TET2: variants seen among roughly 807,000 people sequenced by gnomAD.
TET2 encodes the protein methylcytosine dioxygenase TET2.
A neutral mutation model predicts 142.9 loss-of-function variants in TET2; 299 were observed. The ratio of observed to expected loss-of-function variants is 2.09; its 90% confidence interval spans 1.90 to 2.30. The LOEUF is 2.30. TET2 is among the 30% of genes most tolerant of loss of function. The probability of loss-of-function intolerance (pLI) is 0.00; values close to 1 mark genes in which losing one functional copy is unlikely to be tolerated. For missense variants in TET2, 2,418 were observed against 2,378.0 expected (o/e 1.02, Z -0.35); for synonymous variants, 819 against 849.0 (o/e 0.96, Z 0.61).
At chr4:105,268,342 A>ATGTC (rs1730791686) in intron 8 of TET2, among the ~76,000 whole-genome samples, 1 of 152,228 alleles carries the variant, frequency 6.6e-6, no homozygotes, top group South Asian at 2.1e-4. Flanking sequence ...ACAAAAATGT[A>ATGTC]TAAGATTATA....
Position 105,275,327 on chromosome 4 carries a change from G to T in TET2, c.4817G>T (p.Gly1606Val). Residue 1606 changes from glycine to valine, a missense_variant, in exon 11 of 11, where the codon GGT (glycine) becomes GTT (valine). By Grantham distance (109) the Gly-to-Val change is moderately radical. Coordinates refer to ENST00000380013, the MANE Select transcript of TET2 (RefSeq NM_001127208.3). The stretch of plus-strand genomic sequence containing the variant: ...TATTCCACCTCATCTCAAGCTGCAG[G>T]TTCATATTTGAATTCTTCTAATCCC... ...NFYSTSSQAA[G>V]SYLNSSNPMN... 6.4e-7 allele frequency: 1 copy of T among 1,551,816 alleles called. No homozygotes were observed. The highest frequency in any genetic ancestry group is 8.7e-7 in the Non-Finnish European group (1 of 1,147,000).
chr4:105,188,012 C>G (rs1725557194), intron 1 of TET2, among the ~76,000 whole-genome samples: 1 of 152,178 alleles, frequency 6.6e-6, no homozygotes, highest in South Asian at 2.1e-4. Context: ...AGGGATTCCA[C>G]TCTCAAGAGA....
Position 105,259,752 on chromosome 4 carries a change from G to C in TET2, c.3937G>C (p.Gly1313Arg), listed in dbSNP as rs1730330591. The change falls in exon 7 of 11, where the codon GGG becomes CGG. Residue 1313 changes from glycine to arginine, a missense_variant. Physicochemically the swap from Gly to Arg is moderately radical, Grantham distance 125. Coordinates refer to ENST00000380013, the MANE Select transcript of TET2 (RefSeq NM_001127208.3). ...SKIPRKFKLL[G>R]DDPKEEEKLE... ...GATCCCAAGGAAGTTTAAGCTGCTT[G>C]GGGATGACCCAAAAGAGGTTTGTTT... 6.4e-7 allele frequency: 1 copy of C among 1,550,642 alleles called. No individual in the cohort carries two copies. Among genetic ancestry groups the C allele is most frequent in the Non-Finnish European group, 8.7e-7 (1 of 1,146,400 alleles).
In TET2 at chr4:105,275,936, C is replaced by T. The variant is rs1731198831; in HGVS notation, c.5426C>T (p.Thr1809Ile). Residue 1809 changes from threonine to isoleucine, a missense_variant, in exon 11 of 11, where the codon ACT becomes ATT. Coordinates refer to ENST00000380013, the MANE Select transcript of TET2 (RefSeq NM_001127208.3). ...CTTCCAGCTCTTAACCATGATAGAACTGCTTGTGTCCAAGGAGGCTTACAC... is the reference window on the plus strand; with the variant it reads ...CTTCCAGCTCTTAACCATGATAGAATTGCTTGTGTCCAAGGAGGCTTACAC... ...KMLPALNHDRTACVQGGLHKL... is the reference protein window; with the variant it reads ...KMLPALNHDRIACVQGGLHKL... The T allele has an allele frequency of 3.2e-6, 5 of 1,551,868 alleles. No homozygotes were observed. Among genetic ancestry groups the T allele is most frequent in the East Asian group, 4.9e-5 (2 of 40,930 alleles).
chr4:105,279,041 CT>C lies in TET2; in HGVS notation c.*2526del, dbSNP rs1303894674. Reference sequence around the variant, plus strand: ...TATTGGTCAAATCTTTGTAAGCTGGCTTTTGTCTTTTTAAAAAATTTCTTGA... The same window carrying C: ...TATTGGTCAAATCTTTGTAAGCTGGCTTTGTCTTTTTAAAAAATTTCTTGA... On this transcript the variant is annotated 3_prime_UTR_variant, in exon 11 of 11. Transcript: ENST00000380013. 1 of 232,636 alleles carries C rather than the reference CT, an allele frequency of 4.3e-6. No homozygotes were observed. The highest frequency in any genetic ancestry group is 8.5e-6 in the Non-Finnish European group (1 of 117,786). 14.4% of individuals were successfully genotyped at this position (232,636 alleles called of 1,614,324 possible).
chr4:105,242,327 A>C (rs1197325081), intron 4 of TET2: 2 of 1,078,068 alleles, frequency 1.9e-6, no homozygotes, highest in Admixed American at 1.1e-4. Context: ...TTTGGTCATA[A>C]GGGAAGATAT....
intron 2 of TET2, among the ~76,000 whole-genome samples, chr4:105,223,427 TA>T (rs1245399983): frequency 6.6e-6 from 1 of 152,064 alleles, no homozygotes; most frequent in Admixed American, 6.6e-5. Flanking sequence ...AAATGCCCTA[TA>T]AAAAACACTT....
intron 1 of TET2, among the ~76,000 whole-genome samples, chr4:105,183,766 G>A (rs970948781): frequency 1.3e-5 from 2 of 152,152 alleles, no homozygotes; most frequent in Non-Finnish European, 2.9e-5. Context: ...GTAGTCAGCC[G>A]CGCAAATACA....
intron 2 of TET2, among the ~76,000 whole-genome samples, chr4:105,232,235 T>A (rs1437923456): frequency 6.6e-6 from 1 of 152,246 alleles, no homozygotes; most frequent in Non-Finnish European, 1.5e-5. Context: ...CCATGGTGTA[T>A]ATGTAACACT....
At chr4:105,153,150 A>G (rs1036783699) in intron 1 of TET2, among the ~76,000 whole-genome samples, 2 of 152,182 alleles carry the variant, frequency 1.3e-5, no homozygotes, top group Admixed American at 1.3e-4. Context: ...ATACAGAGAG[A>G]TTCCACGTAT....
chr4:105,235,059 CAAAAT>C lies in TET2; in HGVS notation c.1118_1122del (p.Gln373ArgfsTer15). 1 of 1,614,048 alleles carries C rather than the reference CAAAAT, an allele frequency of 6.2e-7. No homozygotes were observed. Among genetic ancestry groups the C allele is most frequent in the Non-Finnish European group, 8.5e-7 (1 of 1,180,002 alleles). On this transcript the variant is annotated frameshift_variant, in exon 3 of 11. Coordinates refer to ENST00000380013, the MANE Select transcript of TET2 (RefSeq NM_001127208.3). LOFTEE classifies it high-confidence loss of function. ...TGGCAGCTCTGAACGGTATTTAAAA[CAAAAT>C]GAAATGAATGGTGCTTACTTCAAGC...
chr4:105,150,427 A>G (rs1212686617), intron 1 of TET2, among the ~76,000 whole-genome samples: 3 of 152,174 alleles, frequency 2.0e-5, no homozygotes, highest in Non-Finnish European at 2.9e-5. Flanking sequence ...AACCATGTAG[A>G]CTGTTTTAAT....
chr4:105,222,911 TCCAGTTTCAGCTTTCCACATATGGCTAG>T (rs1353933115), intron 2 of TET2, among the ~76,000 whole-genome samples: 1 of 152,172 alleles, frequency 6.6e-6, no homozygotes, highest in Non-Finnish European at 1.5e-5. Flanking sequence ...AAGGAAGGGA[TCCAGTTTCAGCTTTCCACATATGGCTAG>T]CCAGTTTTCC....
At chr4:105,237,474 T>C in intron 3 of TET2, 123 bp downstream of exon 3, 2 of 1,610,160 alleles carry the variant, frequency 1.2e-6, no homozygotes, top group Non-Finnish European at 1.7e-6. Flanking sequence ...TAAAGGCTCA[T>C]AAAAATCTGA....
At chr4:105,205,965 G>A (rs937200150) in intron 2 of TET2, among the ~76,000 whole-genome samples, 1 of 152,068 alleles carries the variant, frequency 6.6e-6, no homozygotes, top group Non-Finnish European at 1.5e-5. Flanking sequence ...CATTTAGAAC[G>A]TTATCACTGA....
At chr4:105,241,911 A>G (rs1729323316) in intron 4 of TET2, 2 of 1,243,706 alleles carry the variant, frequency 1.6e-6, no homozygotes, top group African/African-American at 3.2e-5. Context: ...TGTTGAATAG[A>G]AAGAGAAACA....
chr4:105,246,539 C>T (rs1218522996), intron 6 of TET2, among the ~76,000 whole-genome samples: 1 of 152,142 alleles, frequency 6.6e-6, no homozygotes, highest in Non-Finnish European at 1.5e-5. Context: ...TAGAGCAATT[C>T]TCCAAAATAA....
intron 1 of TET2, among the ~76,000 whole-genome samples, chr4:105,155,591 GATACCA>G (rs1723526422): frequency 6.6e-6 from 1 of 152,194 alleles, no homozygotes; most frequent in Non-Finnish European, 1.5e-5. Flanking sequence ...TGTAATTCTA[GATACCA>G]GACATTCTTG....
chr4:105,156,957 G>A (rs1324528994), intron 1 of TET2, among the ~76,000 whole-genome samples: 1 of 152,164 alleles, frequency 6.6e-6, no homozygotes, highest in Admixed American at 6.5e-5. Flanking sequence ...TTTTATATTT[G>A]CCATTGGCTG....
Sources: gnomAD v4.1 joint callset for allele counts (sites outside exome capture counted in the v4.1 genomes callset) on GRCh38, gnomAD v4.1.1 for gene constraint, MANE v1.5 for transcripts, NCBI Gene and HGNC (gene_info 2026-07-23, HGNC 2026-07-21) for gene names.